PRR16: variants seen among roughly 807,000 people sequenced by gnomAD.
The protein encoded by PRR16 is protein Largen.
In PRR16, 6 loss-of-function variants were observed where a neutral mutation model predicts 18.2. The observed-to-expected ratio is 0.33, with a 90% CI of 0.18 to 0.65. The LOEUF is 0.65. Among genes scored for constraint, PRR16 ranks in the 30% least tolerant of loss-of-function variants. The pLI, the probability that PRR16 is intolerant of heterozygous loss-of-function variation, is 0.74. For missense variants in PRR16, 412 were observed against 376.6 expected, an observed-to-expected ratio of 1.09 and a Z score of -0.78; for synonymous variants, 151 against 147.8, an observed-to-expected ratio of 1.02 and a Z score of -0.16.
chr5:120,791,995 G>T, the PRR16 span, among the ~76,000 whole-genome samples: 1 of 152,046 alleles, frequency 6.6e-6, no homozygotes, highest in Non-Finnish European at 1.5e-5. Context: ...GCCAGTTCCT[G>T]TGAGATGATA....
At chr5:120,637,508 T>C (rs1333764985) in intron 1 of PRR16, among the ~76,000 whole-genome samples, 2 of 152,016 alleles carry the variant, frequency 1.3e-5, no homozygotes, top group African/African-American at 4.8e-5. Flanking sequence ...CACAGTAACC[T>C]GAATGGAATT....
chr5:120,757,868 A>AG, the PRR16 span, among the ~76,000 whole-genome samples: 1 of 152,104 alleles, frequency 6.6e-6, no homozygotes, highest in Non-Finnish European at 1.5e-5. Context: ...AAATGGAACT[A>AG]TAGTTTTCAT....
intron 1 of PRR16, among the ~76,000 whole-genome samples, chr5:120,484,085 G>T (rs1365468642): frequency 6.6e-6 from 1 of 151,694 alleles, no homozygotes; most frequent in Non-Finnish European, 1.5e-5. Context: ...AAAAACCCAG[G>T]ATGACATTTT....
the PRR16 span, among the ~76,000 whole-genome samples, chr5:120,793,443 G>C: frequency 3.3e-5 from 5 of 152,142 alleles, no homozygotes; most frequent in African/African-American, 1.2e-4. Context: ...GATCTGAAGG[G>C]TGACTAGTGG....
chr5:120,562,048 G>A (rs1292935646), intron 1 of PRR16, among the ~76,000 whole-genome samples: 2 of 151,976 alleles, frequency 1.3e-5, no homozygotes, highest in African/African-American at 4.8e-5. Flanking sequence ...TTTCTGTCTG[G>A]GAGATCTGTT....
intron 1 of PRR16, among the ~76,000 whole-genome samples, chr5:120,536,866 A>T (rs1344669744): frequency 6.6e-6 from 1 of 152,244 alleles, no homozygotes; most frequent in Non-Finnish European, 1.5e-5. Context: ...GCAACCATAA[A>T]AAAGAACAAG....
chr5:120,478,398 C>T (rs906859889), intron 1 of PRR16, among the ~76,000 whole-genome samples: 2 of 152,174 alleles, frequency 1.3e-5, no homozygotes, highest in Admixed American at 1.3e-4. Flanking sequence ...TCATTAAACT[C>T]ATCTCATTCC....
chr5:120,689,455 T>C (rs1757184397), downstream of PRR16, among the ~76,000 whole-genome samples: 1 of 152,176 alleles, frequency 6.6e-6, no homozygotes, highest in Non-Finnish European at 1.5e-5. Flanking sequence ...ACATCATCCA[T>C]TAAATCATCA....
intron 1 of PRR16, among the ~76,000 whole-genome samples, chr5:120,667,956 G>A (rs1260080095): frequency 1.3e-5 from 2 of 152,058 alleles, no homozygotes; most frequent in African/African-American, 4.8e-5. Flanking sequence ...GAGTTCTGTA[G>A]ATGTCTATTA....
chr5:120,767,221 T>C, the PRR16 span, among the ~76,000 whole-genome samples: 1 of 151,944 alleles, frequency 6.6e-6, no homozygotes, highest in East Asian at 1.9e-4. Flanking sequence ...GAGCTGTTAA[T>C]AATGTCTTGT....
At chr5:120,772,584 A>T in the PRR16 span, among the ~76,000 whole-genome samples, 1 of 136,872 alleles carries the variant, frequency 7.3e-6, no homozygotes, top group Non-Finnish European at 1.7e-5. Context: ...TAACTTCTTT[A>T]TTCTTTCTCA....
chr5:120,697,657 A>C, the PRR16 span, among the ~76,000 whole-genome samples: 1 of 151,930 alleles, frequency 6.6e-6, no homozygotes, highest in Non-Finnish European at 1.5e-5. Context: ...CAGCGAAGGG[A>C]GATAAGGGTG....
chr5:120,717,889 G>T, the PRR16 span, among the ~76,000 whole-genome samples: 28 of 152,262 alleles, frequency 1.8e-4, no homozygotes, highest in African/African-American at 6.7e-4. Context: ...GAAATACTTA[G>T]TGAGGTTTGC....
chr5:120,475,341 A>C (rs577161550), intron 1 of PRR16, among the ~76,000 whole-genome samples: 4 of 151,896 alleles, frequency 2.6e-5, no homozygotes, highest in African/African-American at 9.7e-5. Context: ...TTCATCCTCT[A>C]CCTTCTTTAA....
chr5:120,767,723 G>A, the PRR16 span, among the ~76,000 whole-genome samples: 1 of 151,674 alleles, frequency 6.6e-6, no homozygotes, highest in Non-Finnish European at 1.5e-5. Context: ...TATTAAAAAG[G>A]CACTATTTAA....
At chr5:120,765,752 GC>G in the PRR16 span, among the ~76,000 whole-genome samples, 3 of 151,872 alleles carry the variant, frequency 2.0e-5, no homozygotes, top group Non-Finnish European at 2.9e-5. Flanking sequence ...CATTTCCAAA[GC>G]CCCCATATGC....
intron 1 of PRR16, among the ~76,000 whole-genome samples, chr5:120,530,281 ATATT>A (rs1280890843): frequency 0.026 from 2,395 of 92,448 alleles, 43 homozygotes; most frequent in Non-Finnish European, 0.031. Context: ...ATATATATAT[ATATT>A]TATTTATTTA....
the PRR16 span, among the ~76,000 whole-genome samples, chr5:120,740,117 A>G: frequency 6.6e-6 from 1 of 152,288 alleles, no homozygotes; most frequent in Admixed American, 6.5e-5. Flanking sequence ...AAATAATGGC[A>G]ATGCCATTGA....
At chr5:120,557,057 C>G (rs1752437304) in intron 1 of PRR16, among the ~76,000 whole-genome samples, 1 of 151,854 alleles carries the variant, frequency 6.6e-6, no homozygotes. Flanking sequence ...ACACTGGACC[C>G]TGGGTGTTTA....
Sources: allele counts gnomAD v4.1 joint callset (sites outside exome capture counted in the v4.1 genomes callset), GRCh38; gene constraint gnomAD v4.1.1; transcripts MANE v1.5; gene names NCBI Gene and HGNC (gene_info 2026-07-23, HGNC 2026-07-21).